Variants in RTTN observed in about 807,000 individuals in gnomAD.
RTTN encodes rotatin.
In RTTN, 182 loss-of-function variants were observed where a neutral mutation model predicts 269.2. The observed-to-expected ratio is 0.68, with a 90% confidence interval of 0.60 to 0.76. The LOEUF is 0.76. Ranked by LOEUF, RTTN falls within the 30% of genes least tolerant of loss-of-function variation. The probability of loss-of-function intolerance (pLI) is 0.00; values close to 1 mark genes in which losing one functional copy is unlikely to be tolerated. For missense variants in RTTN, 2,545 were observed against 2,608.6 expected (o/e 0.98, Z 0.53); for synonymous variants, 1,006 against 963.5 (o/e 1.04, Z -0.82).
intron 14 of RTTN, among the ~76,000 whole-genome samples, chr18:70,164,377 A>ATT (rs113753514): frequency 6.4e-5 from 9 of 140,158 alleles, no homozygotes; most frequent in Non-Finnish European, 7.8e-5. Context: ...ATGCCCAGCT[A>ATT]TTTTTTTTTT....
At position 70,146,071 on chromosome 18, in the gene RTTN, C is replaced by G. The variant is rs568235000; in HGVS notation, c.2310-288G>C. Among the ~76,000 whole-genome samples, 13 of 152,234 alleles carry G rather than the reference C, an allele frequency of 8.5e-5. No homozygotes were observed. In the East Asian group the frequency reaches 2.5e-3, roughly 29 times the overall value. The stretch of plus-strand genomic sequence containing the variant: ...TATCAGTAAACTTCAATAAGTACAT[C>G]TGCGAATTAAATCAATAACTCCTGT... On this transcript the variant is annotated intron_variant, in intron 17 of 48. Transcript: ENST00000640769.
At chr18:70,194,182 T>C (rs1008027186) in intron 7 of RTTN, 2 of 152,194 alleles carry the variant, frequency 1.3e-5, no homozygotes, top group Non-Finnish European at 2.9e-5. Context: ...CATAAAAAGT[T>C]ATTAGAGATT....
chr18:70,187,743 C>G (rs115567575), intron 10 of RTTN, among the ~76,000 whole-genome samples: 1 of 152,020 alleles, frequency 6.6e-6, no homozygotes, highest in Non-Finnish European at 1.5e-5. Flanking sequence ...TTGCTAGGAA[C>G]GAAGACTTTC....
intron 39 of RTTN, among the ~76,000 whole-genome samples, chr18:70,048,607 T>C (rs1458039398): frequency 6.6e-6 from 1 of 152,112 alleles, no homozygotes; most frequent in Non-Finnish European, 1.5e-5. Flanking sequence ...TTTTGTTTGA[T>C]TTTATATTTT....
intron 36 of RTTN, among the ~76,000 whole-genome samples, chr18:70,058,394 T>C (rs190497955): frequency 1.2e-4 from 18 of 152,086 alleles, no homozygotes; most frequent in Non-Finnish European, 2.6e-4. Context: ...GGCAGATGCC[T>C]GTAATCCCAG....
intron 34 of RTTN, among the ~76,000 whole-genome samples, chr18:70,072,417 G>C (rs1022712804): frequency 3.3e-5 from 5 of 151,828 alleles, no homozygotes; most frequent in Non-Finnish European, 5.9e-5. Context: ...ACTTTAATTG[G>C]GGTGCTTCTT....
At position 70,142,357 on chromosome 18, in the gene RTTN, A is replaced by C. The variant is rs749560776; in HGVS notation, c.2512T>G (p.Phe838Val). The C allele has an allele frequency of 6.2e-7, 1 of 1,603,448 alleles. No homozygotes were observed. Among genetic ancestry groups the C allele is most frequent in the Non-Finnish European group, 8.5e-7 (1 of 1,174,650 alleles). Residue 838 changes from phenylalanine to valine, a missense_variant, in exon 19 of 49, where the codon TTC (phenylalanine) becomes GTC (valine). Coordinates refer to ENST00000640769, the MANE Select transcript of RTTN (RefSeq NM_173630.4). ...LETVEKVYEI[F>V]TSDDVDLVLR... ...ACGAGATCAACATCATCTGAGGTGAAGATTTCATATACCTTTTCAACAGTC... is the reference window on the plus strand; with the variant it reads ...ACGAGATCAACATCATCTGAGGTGACGATTTCATATACCTTTTCAACAGTC...
intron 35 of RTTN, among the ~76,000 whole-genome samples, chr18:70,063,902 A>T (rs902262531): frequency 2.0e-5 from 3 of 151,614 alleles, no homozygotes; most frequent in Admixed American, 1.3e-4. Context: ...ATCACCAAAA[A>T]ATTGTGAGGA....
At chr18:70,009,841 G>A (rs981564582) in intron 46 of RTTN, among the ~76,000 whole-genome samples, 15 of 152,070 alleles carry the variant, frequency 9.9e-5, no homozygotes, top group East Asian at 9.7e-4. Context: ...GACCCATCTC[G>A]TGCAAAGACA....
intron 26 of RTTN, among the ~76,000 whole-genome samples, chr18:70,116,813 G>C (rs575138789): frequency 6.6e-6 from 1 of 152,074 alleles, no homozygotes; most frequent in African/African-American, 2.4e-5. Flanking sequence ...CATTGAGCCC[G>C]TTACGGGAAA....
chr18:70,033,520 G>A (rs972745746), intron 40 of RTTN, among the ~76,000 whole-genome samples: 5 of 152,150 alleles, frequency 3.3e-5, no homozygotes, highest in African/African-American at 1.2e-4. Flanking sequence ...TAAGTTCTTT[G>A]AAACTAATGA....
At chr18:70,157,984 A>C (rs1256041883) in intron 14 of RTTN, among the ~76,000 whole-genome samples, 1 of 152,178 alleles carries the variant, frequency 6.6e-6, no homozygotes, top group African/African-American at 2.4e-5. Flanking sequence ...TCAGCATTCC[A>C]GAAAGAGAAG....
At chr18:70,134,305 G>A (rs956140583) in intron 23 of RTTN, among the ~76,000 whole-genome samples, 168 bp downstream of exon 23, 7 of 152,004 alleles carry the variant, frequency 4.6e-5, no homozygotes, top group Admixed American at 2.0e-4. Flanking sequence ...TTGGTGGTGG[G>A]GAGATATACT....
intron 31 of RTTN, 25 bp from the exon 32 acceptor site, chr18:70,086,709 A>C (rs926517464): frequency 2.6e-5 from 2 of 77,656 alleles, no homozygotes; most frequent in East Asian, 1.9e-3. Context: ...AAAAAAAAAA[A>C]AAAAAAAAAA....
chr18:70,101,661 G>C (rs576604540), intron 28 of RTTN, among the ~76,000 whole-genome samples: 1 of 152,112 alleles, frequency 6.6e-6, no homozygotes, highest in African/African-American at 2.4e-5. Context: ...TCTTTTAACT[G>C]TGATGTTAGG....
chr18:70,204,133 G>T lies in RTTN; in HGVS notation c.350C>A (p.Ser117Ter), dbSNP rs201840025. 3 of 1,613,916 alleles carry T rather than the reference G, an allele frequency of 1.9e-6. No individual in the cohort carries two copies. The Admixed American group carries it at 5.0e-5, about 27-fold the overall frequency. Residue 117 changes from serine (S) to a stop codon, truncating the protein, a stop_gained, in exon 3 of 49, where the codon TCG becomes TAG. Coordinates refer to ENST00000640769, the MANE Select transcript of RTTN (RefSeq NM_173630.4). LOFTEE classifies it high-confidence loss of function. ...GILDGLFLLP[S>*]EVPALSSASY... ...GGCAGAAGATAGTGCAGGAACTTCCGAAGGAAGAAGAAAAAGTCCATCCAG... is the reference window on the plus strand; with the variant it reads ...GGCAGAAGATAGTGCAGGAACTTCCTAAGGAAGAAGAAAAAGTCCATCCAG...
intron 42 of RTTN, among the ~76,000 whole-genome samples, chr18:70,029,205 T>G (rs909059120): frequency 6.6e-6 from 1 of 150,652 alleles, no homozygotes; most frequent in Non-Finnish European, 1.5e-5. Flanking sequence ...ACAATCAATC[T>G]CCTGCATCAA....
chr18:70,117,131 ATT>A (rs2059621822), intron 26 of RTTN, among the ~76,000 whole-genome samples: 1 of 152,004 alleles, frequency 6.6e-6, no homozygotes, highest in South Asian at 2.1e-4. Context: ...AAGTTAGCTG[ATT>A]TTTCTTTTCA....
At chr18:70,048,240 C>T (rs1599267436) in intron 39 of RTTN, 52 bp from the exon 40 acceptor site, 3 of 1,498,488 alleles carry the variant, frequency 2.0e-6, no homozygotes, top group Non-Finnish European at 2.8e-6. Context: ...CAAAATTCAA[C>T]AAAAAGGAAA....
Sources: allele counts gnomAD v4.1 joint callset (sites outside exome capture counted in the v4.1 genomes callset), GRCh38; gene constraint gnomAD v4.1.1; transcripts MANE v1.5; gene names NCBI Gene and HGNC (gene_info 2026-07-23, HGNC 2026-07-21).